MUC7: variants seen among roughly 807,000 people sequenced by gnomAD.
MUC7 encodes mucin-7.
Under a neutral mutation model 2.5 loss-of-function variants are expected in MUC7, and 2 were observed. The observed-to-expected ratio is 0.81, with a 90% CI of 0.33 to 2.55. The LOEUF (loss-of-function observed/expected upper bound fraction) is 2.55, where lower values mean the gene tolerates loss of function less well. Ranked by LOEUF, MUC7 falls within the 30% of genes most tolerant of loss-of-function variation. The pLI, the probability that MUC7 is intolerant of heterozygous loss-of-function variation, is 0.11. For missense variants in MUC7, 408 were observed against 455.6 expected (o/e 0.90, Z 0.95); for synonymous variants, 133 against 173.4 (o/e 0.77, Z 1.83).
chr4:70,443,103 C>T (rs1217080279), intron 1 of MUC7, among the ~76,000 whole-genome samples: 3 of 152,146 alleles, frequency 2.0e-5, no homozygotes, highest in African/African-American at 7.2e-5. Flanking sequence ...AAAATCTTCA[C>T]TGAAGTTCAC....
At position 70,445,135 on chromosome 4, in the gene MUC7, T is replaced by C. The variant is rs149836794; in HGVS notation, c.-93+14448T>C. Among the ~76,000 whole-genome samples the C allele has an allele frequency of 2.4e-3, 363 of 152,294 alleles. 4 individuals are homozygous for C. Among genetic ancestry groups the C allele is most frequent in the African/African-American group, 8.4e-3 (348 of 41,562 alleles). On this transcript the variant is annotated intron_variant, in intron 1 of 3. Coordinates refer to the MUC7 transcript ENST00000413702. ...ATTCCCTCAACTGCTCTGTTTACCA[T>C]ACCTGCTGCCATCAATACCACACCT... is the stretch of plus-strand genomic sequence containing the variant.
intron 1 of MUC7, among the ~76,000 whole-genome samples, chr4:70,439,254 G>A (rs1039258578): frequency 6.6e-6 from 1 of 152,192 alleles, no homozygotes; most frequent in African/African-American, 2.4e-5. Flanking sequence ...CACCAAGGAG[G>A]GAAGAAGCTT....
At chr4:70,443,287 T>C (rs962980178) in intron 1 of MUC7, among the ~76,000 whole-genome samples, 3 of 147,642 alleles carry the variant, frequency 2.0e-5, no homozygotes, top group African/African-American at 5.0e-5. Flanking sequence ...GAAATAAATA[T>C]GTAAAAGAAC....
rs188737963 is a variant in MUC7 at position 70,465,582 on chromosome 4, C to T, written c.-92-6633C>T. ...CCTGATGGAGCTGAAAAACACAGCA[C>T]GAGAACTTCGTGAAGCATACACAAG... On this transcript the variant is annotated intron_variant, in intron 1 of 3. Coordinates refer to the MUC7 transcript ENST00000413702. 3.1e-3 allele frequency among the ~76,000 whole-genome samples: 476 copies of T among 152,138 alleles called. 7 individuals are homozygous for T. Among genetic ancestry groups the T allele is most frequent in the African/African-American group, 0.011 (451 of 41,530 alleles).
chr4:70,433,536 T>A (rs1490466441), intron 1 of MUC7, among the ~76,000 whole-genome samples: 1 of 152,188 alleles, frequency 6.6e-6, no homozygotes, highest in Non-Finnish European at 1.5e-5. Flanking sequence ...AGTTTGTTAT[T>A]GGTGTATAGG....
chr4:70,431,792 C>T (rs1410091878), intron 1 of MUC7, among the ~76,000 whole-genome samples: 1 of 152,000 alleles, frequency 6.6e-6, no homozygotes. Context: ...TACATGTGCA[C>T]AACGCGCAGG....
At position 70,437,672 on chromosome 4, in the gene MUC7, C is replaced by T. The variant is rs547252785; in HGVS notation, c.-93+6985C>T. Among the ~76,000 whole-genome samples, 15 of 152,298 alleles carry T rather than the reference C, an allele frequency of 9.8e-5. No individual in the cohort carries two copies. The South Asian group carries it at 1.0e-3, about 11-fold the overall frequency. On this transcript the variant is annotated intron_variant, in intron 1 of 3. Transcript: ENST00000413702. ...GAAAGGGAAATTCCCCGACTCCTTG[C>T]GCTTCCCAGGTGAGGCGACACCCCA...
chr4:70,471,350 G>C (rs560038861), upstream of MUC7, among the ~76,000 whole-genome samples: 2 of 152,162 alleles, frequency 1.3e-5, no homozygotes, highest in South Asian at 4.2e-4. Flanking sequence ...GCAACACACG[G>C]CCCTTAGTTG....
intron 1 of MUC7, among the ~76,000 whole-genome samples, chr4:70,431,668 A>G (rs1733669975): frequency 6.6e-6 from 1 of 152,226 alleles, no homozygotes; most frequent in Non-Finnish European, 1.5e-5. Context: ...AACCGTAGTA[A>G]CATTAGATGA....
At chr4:70,468,168 T>A (rs1734728760), upstream of MUC7, among the ~76,000 whole-genome samples, 1 of 152,112 alleles carries the variant, frequency 6.6e-6, no homozygotes, top group Non-Finnish European at 1.5e-5. Context: ...CATGATTATC[T>A]CAACAGATGT....
chr4:70,463,849 T>C (rs571682118), intron 1 of MUC7, among the ~76,000 whole-genome samples: 1 of 152,338 alleles, frequency 6.6e-6, no homozygotes, highest in East Asian at 1.9e-4. Flanking sequence ...GTCGGCCAGA[T>C]CTTGATCTTG....
At chr4:70,454,593 A>G (rs1288612820) in intron 1 of MUC7, among the ~76,000 whole-genome samples, 2 of 152,170 alleles carry the variant, frequency 1.3e-5, no homozygotes, top group Non-Finnish European at 2.9e-5. Flanking sequence ...TGCCTCTTTC[A>G]GTGATATGAA....
chr4:70,434,613 C>T (rs1560542865), intron 1 of MUC7, among the ~76,000 whole-genome samples: 1 of 151,608 alleles, frequency 6.6e-6, no homozygotes, highest in Non-Finnish European at 1.5e-5. Context: ...TCTCTCTTTT[C>T]TTATTAGTCT....
chr4:70,434,045 C>T (rs1733753886), intron 1 of MUC7, among the ~76,000 whole-genome samples: 1 of 151,744 alleles, frequency 6.6e-6, no homozygotes. Flanking sequence ...TTATGTTGAA[C>T]CAGCCTTGCA....
chr4:70,455,010 G>T (rs898874396), intron 1 of MUC7, among the ~76,000 whole-genome samples: 5 of 152,196 alleles, frequency 3.3e-5, no homozygotes, highest in Non-Finnish European at 5.9e-5. Flanking sequence ...GATAATTTCA[G>T]TGATATTTAT....
Position 70,443,594 on chromosome 4 carries a change from C to T in MUC7, c.-93+12907C>T, listed in dbSNP as rs150967555. On this transcript the variant is annotated intron_variant, in intron 1 of 3. Coordinates refer to the MUC7 transcript ENST00000413702. ...AAGCAAGTCAAAACCACACTTTGTGCGGTTAAAACTTAATATTAGTGCAAA... is the reference window on the plus strand; with the variant it reads ...AAGCAAGTCAAAACCACACTTTGTGTGGTTAAAACTTAATATTAGTGCAAA... 5.8e-3 allele frequency among the ~76,000 whole-genome samples: 889 copies of T among 152,166 alleles called. 4 individuals are homozygous for T. Among genetic ancestry groups the T allele is most frequent in the Admixed American group, 9.3e-3 (142 of 15,266 alleles).
Position 70,472,657 on chromosome 4 carries a change from A to G in MUC7, c.-16+366A>G, listed in dbSNP as rs184502930. Among the ~76,000 whole-genome samples, 694 of 152,290 alleles carry G rather than the reference A, an allele frequency of 4.6e-3. 7 individuals are homozygous for G. Among genetic ancestry groups the G allele is most frequent in the African/African-American group, 0.016 (669 of 41,556 alleles). On this transcript the variant is annotated intron_variant, in intron 1 of 2. Coordinates refer to ENST00000304887, the MANE Select transcript of MUC7 (RefSeq NM_152291.3). ...ATTCTCAGTACGATTTGTAATATAT[A>G]TATTATTCCAGTCAATCCTCAGGAC...
intron 1 of MUC7, among the ~76,000 whole-genome samples, chr4:70,463,593 G>C (rs1386576355): frequency 6.6e-6 from 1 of 152,188 alleles, no homozygotes; most frequent in African/African-American, 2.4e-5. Flanking sequence ...TTATGATGCT[G>C]TATCCCATAT....
intron 1 of MUC7, among the ~76,000 whole-genome samples, chr4:70,445,209 T>G (rs925755382): frequency 2.6e-5 from 4 of 152,208 alleles, no homozygotes; most frequent in African/African-American, 9.6e-5. Flanking sequence ...ATTGTATCAA[T>G]GATCACAACT....
Sources: gnomAD v4.1 joint callset for allele counts (sites outside exome capture counted in the v4.1 genomes callset) on GRCh38, gnomAD v4.1.1 for gene constraint, MANE v1.5 for transcripts, NCBI Gene and HGNC (gene_info 2026-07-23, HGNC 2026-07-21) for gene names.